The following GALNT13 variants were observed in gnomAD, a reference collection of about 807,000 sequenced individuals.
GALNT13 encodes polypeptide N-acetylgalactosaminyltransferase 13, also known as UDP-GalNAc:polypeptide N-acetylgalactosaminyltransferase 13.
GALNT13 carries 28 observed loss-of-function variants against 64.2 expected under a neutral mutation model. The ratio of observed to expected loss-of-function variants is 0.44; its 90% CI spans 0.32 to 0.60. The LOEUF (loss-of-function observed/expected upper bound fraction) is 0.60. Ranked by LOEUF, GALNT13 falls within the 20% of genes least tolerant of loss-of-function variation. GALNT13 has a pLI of 0.05. For missense variants in GALNT13, 577 were observed against 669.8 expected, an observed-to-expected ratio of 0.86 and a Z score of 1.53; for synonymous variants, 214 against 224.6, an observed-to-expected ratio of 0.95 and a Z score of 0.42.
the GALNT13 span, among the ~76,000 whole-genome samples, chr2:153,702,023 A>G: frequency 1.3e-5 from 2 of 152,330 alleles, no homozygotes; most frequent in South Asian, 2.1e-4. Context: ...CTAAAGACAC[A>G]TGTACATGTA....
At chr2:154,342,991 G>A (rs116232547) in intron 9 of GALNT13, among the ~76,000 whole-genome samples, 2,633 of 152,036 alleles carry the variant, frequency 0.017, 74 homozygotes, top group African/African-American at 0.06. Context: ...TGCAAGCATT[G>A]TATTTAGTAT....
the GALNT13 span, among the ~76,000 whole-genome samples, chr2:153,781,816 A>G: frequency 1.3e-5 from 2 of 152,156 alleles, no homozygotes; most frequent in African/African-American, 4.8e-5. Context: ...GAGAATTGCA[A>G]ATGATTTGGA....
At chr2:153,577,800 T>C in the GALNT13 span, among the ~76,000 whole-genome samples, 5 of 150,952 alleles carry the variant, frequency 3.3e-5, no homozygotes, top group African/African-American at 1.2e-4. Flanking sequence ...TAAGAATAAA[T>C]ATATTCTATT....
chr2:153,284,208 C>G, the GALNT13 span, among the ~76,000 whole-genome samples: 1 of 152,164 alleles, frequency 6.6e-6, no homozygotes, highest in Non-Finnish European at 1.5e-5. Flanking sequence ...CAGCAATACA[C>G]ACACACAGAC....
intron 2 of GALNT13, among the ~76,000 whole-genome samples, chr2:153,943,973 C>T (rs1204557857): frequency 6.6e-6 from 1 of 152,132 alleles, no homozygotes; most frequent in African/African-American, 2.4e-5. Flanking sequence ...ACGTGTCTGT[C>T]TATGAAGGCC....
chr2:154,036,788 C>T (rs75440223), intron 3 of GALNT13, among the ~76,000 whole-genome samples: 5,017 of 152,096 alleles, frequency 0.033, 116 homozygotes, highest in Non-Finnish European at 0.047. Flanking sequence ...TGAGGATGGT[C>T]TACAAGGTTG....
rs370248306 is a variant in GALNT13 at position 154,054,249 on chromosome 2, G to GT, written c.143-86080dup. On this transcript the variant is annotated intron_variant, in intron 3 of 12. Coordinates refer to ENST00000392825, the MANE Select transcript of GALNT13 (RefSeq NM_052917.4). ...CTTTCTCTTCATTGCCTTGTTTGTA[G>GT]TTTTTTTTCCCTGCAGAATGTTTTG... is the stretch of plus-strand genomic sequence containing the variant. 4.0e-5 allele frequency among the ~76,000 whole-genome samples: 6 copies of GT among 151,462 alleles called. No individual in the cohort carries two copies. The South Asian group carries it at 8.3e-4, about 21-fold the overall frequency.
the GALNT13 span, among the ~76,000 whole-genome samples, chr2:153,176,210 T>G: frequency 6.6e-6 from 1 of 152,088 alleles, no homozygotes; most frequent in Non-Finnish European, 1.5e-5. Context: ...TGAGGCTAAT[T>G]AAAAGTGCTA....
the GALNT13 span, among the ~76,000 whole-genome samples, chr2:153,089,779 G>A: frequency 6.6e-6 from 1 of 151,986 alleles, no homozygotes; most frequent in Non-Finnish European, 1.5e-5. Context: ...ATTTCTAGAA[G>A]TTGTGATTGT....
intron 9 of GALNT13, among the ~76,000 whole-genome samples, chr2:154,351,622 G>C (rs1054264010): frequency 2.1e-5 from 3 of 146,308 alleles, no homozygotes; most frequent in Non-Finnish European, 4.5e-5. Flanking sequence ...GGCGGAGTTT[G>C]CAGTGAGCTG....
Position 153,944,577 on chromosome 2 carries a change from A to G in GALNT13, c.80A>G (p.Tyr27Cys). Residue 27 changes from tyrosine to cysteine, a missense_variant, in exon 3 of 13, where the codon TAC becomes TGC. Transcript: ENST00000392825. ...WVLVDVFLLL[Y>C]FSECNKCDDK... ...CTTGTTGATGTCTTCTTACTGCTGTACTTCAGTGAATGTAACAAATGTGAT... is the reference window on the plus strand; with the variant it reads ...CTTGTTGATGTCTTCTTACTGCTGTGCTTCAGTGAATGTAACAAATGTGAT... The G allele has an allele frequency of 1.2e-6, 2 of 1,613,578 alleles. No homozygotes were observed. The highest frequency in any genetic ancestry group is 8.5e-7 in the Non-Finnish European group (1 of 1,179,632).
chr2:153,203,065 G>A, the GALNT13 span, among the ~76,000 whole-genome samples: 3 of 152,152 alleles, frequency 2.0e-5, no homozygotes, highest in Admixed American at 6.5e-5. Context: ...CATTAAGGCC[G>A]TCTCTGAGGC....
the GALNT13 span, among the ~76,000 whole-genome samples, chr2:153,446,414 C>T: frequency 6.6e-6 from 1 of 152,098 alleles, no homozygotes; most frequent in African/African-American, 2.4e-5. Context: ...TAGAACTAGC[C>T]ATCTTTATTT....
At chr2:153,208,459 A>G in the GALNT13 span, among the ~76,000 whole-genome samples, 171 of 151,918 alleles carry the variant, frequency 1.1e-3, no homozygotes, top group Non-Finnish European at 1.6e-3. Flanking sequence ...TACTTTTGAG[A>G]TCAATCCAGG....
At chr2:153,371,648 C>A in the GALNT13 span, among the ~76,000 whole-genome samples, 1 of 152,076 alleles carries the variant, frequency 6.6e-6, no homozygotes, top group Admixed American at 6.6e-5. Context: ...AAATAATAAT[C>A]ATAACTTAAA....
chr2:154,089,149 A>G (rs1055634617), intron 3 of GALNT13, among the ~76,000 whole-genome samples: 9 of 152,046 alleles, frequency 5.9e-5, no homozygotes, highest in African/African-American at 2.2e-4. Context: ...ACTTTATTCC[A>G]AACAAGTGAG....
chr2:153,548,433 G>A, the GALNT13 span, among the ~76,000 whole-genome samples: 3 of 152,112 alleles, frequency 2.0e-5, no homozygotes, highest in African/African-American at 7.2e-5. Flanking sequence ...AGATATTAAG[G>A]GAAATGCTTC....
rs187585983 is a variant in GALNT13, at chr2:153,898,292, C to G, written c.-176-2644C>G. The stretch of plus-strand genomic sequence containing the variant: ...GTATATATTTTTTAGGATATGTGAA[C>G]AGTTTCAGATTTAGGTGGCTCCTAC... On this transcript the variant is annotated intron_variant, in intron 1 of 12. Transcript: ENST00000392825. Among the ~76,000 whole-genome samples the G allele has an allele frequency of 1.4e-3, 216 of 152,170 alleles. 2 individuals are homozygous for G. The highest frequency in any genetic ancestry group is 4.8e-3 in the African/African-American group (198 of 41,526).
chr2:153,720,182 C>T, the GALNT13 span, among the ~76,000 whole-genome samples: 2 of 146,414 alleles, frequency 1.4e-5, no homozygotes, highest in Admixed American at 1.3e-4. Context: ...AACTGGGAGG[C>T]ACCCCCCAGC....
Sources: gnomAD v4.1 joint callset for allele counts (sites outside exome capture counted in the v4.1 genomes callset) on GRCh38, gnomAD v4.1.1 for gene constraint, MANE v1.5 for transcripts, NCBI Gene and HGNC (gene_info 2026-07-23, HGNC 2026-07-21) for gene names.